The following KCNIP4 variants were observed in gnomAD, a reference collection of about 807,000 sequenced individuals.
KCNIP4 encodes Kv channel-interacting protein 4.
Under a neutral mutation model 34.0 loss-of-function variants are expected in KCNIP4, and 12 were observed. The observed-to-expected ratio is 0.35, with a 90% CI of 0.23 to 0.57. The LOEUF (loss-of-function observed/expected upper bound fraction) is 0.57, where lower values mean the gene tolerates loss of function less well. Ranked by LOEUF, KCNIP4 falls within the 20% of genes least tolerant of loss-of-function variation. The pLI, the probability that KCNIP4 is intolerant of heterozygous loss-of-function variation, is 0.83. For synonymous variants in KCNIP4, 124 were observed against 102.2 expected (o/e 1.21, Z -1.29); for missense variants, 238 against 311.7 (o/e 0.76, Z 1.78).
chr4:21,280,360 G>A (rs552360040), intron 1 of KCNIP4, among the ~76,000 whole-genome samples: 2 of 152,108 alleles, frequency 1.3e-5, no homozygotes, highest in African/African-American at 2.4e-5. Context: ...TAGGAATACA[G>A]TATTGTATTT....
At chr4:21,417,955 C>A (rs1458633398) in intron 1 of KCNIP4, among the ~76,000 whole-genome samples, 1 of 152,106 alleles carries the variant, frequency 6.6e-6, no homozygotes, top group Non-Finnish European at 1.5e-5. Context: ...AAAGGGAATG[C>A]AGAAGCAAGA....
intron 8 of KCNIP4, 47 bp downstream of exon 8, chr4:20,731,959 G>A: frequency 6.2e-7 from 1 of 1,608,900 alleles, no homozygotes; most frequent in Non-Finnish European, 8.5e-7. Context: ...ACTCAGTTTA[G>A]CTGTTATGAT....
intron 1 of KCNIP4, among the ~76,000 whole-genome samples, chr4:21,712,948 T>G (rs28418516): frequency 0.083 from 12,655 of 152,178 alleles, 1,468 homozygotes; most frequent in African/African-American, 0.26. Flanking sequence ...TGTGTCTGCT[T>G]CTCTTTCTGT....
chr4:20,911,879 T>G (rs1337821143), intron 1 of KCNIP4, among the ~76,000 whole-genome samples: 2 of 152,246 alleles, frequency 1.3e-5, no homozygotes, highest in Non-Finnish European at 2.9e-5. Flanking sequence ...GGAATCATTA[T>G]AGAGGAATTT....
intron 3 of KCNIP4, among the ~76,000 whole-genome samples, chr4:20,792,270 A>G (rs951234903): frequency 2.0e-5 from 3 of 152,054 alleles, no homozygotes; most frequent in African/African-American, 7.2e-5. Flanking sequence ...GCTACTTGGG[A>G]GGCTGAGGCA....
intron 1 of KCNIP4, among the ~76,000 whole-genome samples, chr4:21,937,668 G>A (rs1183824721): frequency 1.3e-5 from 2 of 151,618 alleles, no homozygotes; most frequent in African/African-American, 2.4e-5. Flanking sequence ...TTTTTCAACC[G>A]AACCTCCATC....
At chr4:21,852,706 A>T (rs1484376958) in intron 1 of KCNIP4, 4 of 151,856 alleles carry the variant, frequency 2.6e-5, no homozygotes, top group South Asian at 4.2e-4. Context: ...ACACATTCAA[A>T]CTCACTCTGC....
At chr4:21,413,594 A>C (rs1724693349) in intron 1 of KCNIP4, among the ~76,000 whole-genome samples, 1 of 152,166 alleles carries the variant, frequency 6.6e-6, no homozygotes, top group Non-Finnish European at 1.5e-5. Flanking sequence ...ACTGCAATGA[A>C]CTGTTTTATA....
rs115618766 is a variant in KCNIP4, at chr4:21,944,627, G to A, written c.61+3944C>T. On this transcript the variant is annotated intron_variant, in intron 1 of 8. Transcript: ENST00000382152. ...AAAGGAGAATAATTCAGTGCAAGTG[G>A]GAAAGGCTTCATTCATTCAATATCT... Among the ~76,000 whole-genome samples the A allele has an allele frequency of 3.2e-3, 481 of 151,968 alleles. 3 individuals carry two copies. Among genetic ancestry groups the A allele is most frequent in the African/African-American group, 0.011 (453 of 41,406 alleles).
chr4:21,499,617 T>A (rs1733143190), intron 1 of KCNIP4, among the ~76,000 whole-genome samples: 2 of 152,064 alleles, frequency 1.3e-5, no homozygotes, highest in African/African-American at 4.8e-5. Context: ...ATATGAAACA[T>A]AAATTTACAT....
chr4:21,699,663 G>T (rs571598845), intron 1 of KCNIP4, among the ~76,000 whole-genome samples: 18 of 152,180 alleles, frequency 1.2e-4, no homozygotes, highest in African/African-American at 4.3e-4. Flanking sequence ...TTAAGGAACA[G>T]AGAGAAGGGT....
At chr4:20,780,878 T>A (rs1756811722) in intron 3 of KCNIP4, among the ~76,000 whole-genome samples, 1 of 152,332 alleles carries the variant, frequency 6.6e-6, no homozygotes, top group Admixed American at 6.5e-5. Context: ...GAATGGGTTT[T>A]TGTTACATGT....
chr4:20,841,105 C>G (rs2149471366), intron 3 of KCNIP4, among the ~76,000 whole-genome samples: 1 of 152,242 alleles, frequency 6.6e-6, no homozygotes, highest in East Asian at 1.9e-4. Flanking sequence ...CTCTTTCACT[C>G]CCCCTATTAT....
At chr4:21,078,781 C>G (rs1745736278) in intron 1 of KCNIP4, among the ~76,000 whole-genome samples, 1 of 152,018 alleles carries the variant, frequency 6.6e-6, no homozygotes, top group African/African-American at 2.4e-5. Flanking sequence ...TATGTTCTGC[C>G]AGGAAGAGAA....
chr4:21,445,257 G>A (rs571647858), intron 1 of KCNIP4, among the ~76,000 whole-genome samples: 1 of 152,246 alleles, frequency 6.6e-6, no homozygotes, highest in African/African-American at 2.4e-5. Context: ...CTTTCTCACA[G>A]AATTGGAAAA....
At chr4:21,620,458 CT>C (rs2109174505) in intron 1 of KCNIP4, among the ~76,000 whole-genome samples, 1 of 152,214 alleles carries the variant, frequency 6.6e-6, no homozygotes, top group Non-Finnish European at 1.5e-5. Context: ...GCCAAGATCA[CT>C]CCTGTCTGGG....
Position 21,302,059 on chromosome 4 carries a change from C to T in KCNIP4, c.62-419350G>A, listed in dbSNP as rs140292150. Among the ~76,000 whole-genome samples, 188 of 152,264 alleles carry T rather than the reference C, an allele frequency of 1.2e-3. No homozygotes were observed. The East Asian group carries it at 0.031, about 25-fold the overall frequency. ...TAAAGTTTCTGAGATAGTGCATTCT[C>T]TCCATAGTATTAGTCCAAGATTGTC... On this transcript the variant is annotated intron_variant, in intron 1 of 8. Transcript: ENST00000382152.
intron 1 of KCNIP4, among the ~76,000 whole-genome samples, chr4:21,167,836 C>G (rs1344656088): frequency 6.6e-6 from 1 of 152,184 alleles, no homozygotes; most frequent in African/African-American, 2.4e-5. Context: ...AGATGATGAA[C>G]TGCCATTTCT....
intron 1 of KCNIP4, among the ~76,000 whole-genome samples, chr4:21,175,113 C>T (rs1277689000): frequency 1.4e-5 from 2 of 142,750 alleles, no homozygotes; most frequent in African/African-American, 2.7e-5. Context: ...AGGCCACTGG[C>T]TTCTTTTTTC....
Sources: allele counts gnomAD v4.1 joint callset (sites outside exome capture counted in the v4.1 genomes callset), GRCh38; gene constraint gnomAD v4.1.1; transcripts MANE v1.5; gene names NCBI Gene and HGNC (gene_info 2026-07-23, HGNC 2026-07-21).